Variants in ATP9B observed in about 807,000 individuals in gnomAD.
The protein encoded by ATP9B is probable phospholipid-transporting ATPase IIB.
Under a neutral mutation model 146.1 loss-of-function variants are expected in ATP9B, and 110 were observed. The observed-to-expected ratio is 0.75, with a 90% CI of 0.65 to 0.88. The LOEUF is 0.88. Ranked by LOEUF, ATP9B falls within the 40% of genes least tolerant of loss-of-function variation. The pLI is 0.00. For missense variants in ATP9B, 1,499 were observed against 1,496.4 expected (o/e 1.00, Z -0.03); for synonymous variants, 604 against 569.7 (o/e 1.06, Z -0.86).
At chr18:79,142,684 T>C (rs1004529063) in intron 5 of ATP9B, among the ~76,000 whole-genome samples, 31 of 152,248 alleles carry the variant, frequency 2.0e-4, no homozygotes, top group African/African-American at 6.8e-4. Flanking sequence ...AGACCATTGC[T>C]ATTTTATAAT....
At chr18:79,345,970 C>T (rs1430194096) in intron 23 of ATP9B, 131 bp downstream of exon 23, 12 of 1,002,174 alleles carry the variant, frequency 1.2e-5, no homozygotes, top group Middle Eastern at 2.1e-4. Flanking sequence ...AGCGTACGCT[C>T]GGTCAGCAAA....
chr18:79,136,919 C>A (rs116332227), intron 5 of ATP9B, among the ~76,000 whole-genome samples: 4,027 of 152,186 alleles, frequency 0.026, 200 homozygotes, highest in African/African-American at 0.092. Context: ...AGGGGAAAAG[C>A]CACTTACAAA....
intron 1 of ATP9B, among the ~76,000 whole-genome samples, chr18:79,092,429 C>T (rs912914189): frequency 3.4e-4 from 52 of 152,194 alleles, no homozygotes; most frequent in African/African-American, 1.2e-3. Context: ...AAAAATCATA[C>T]AGGACACAAA....
chr18:79,080,912 G>A (rs1342568889), intron 1 of ATP9B, among the ~76,000 whole-genome samples: 1 of 152,212 alleles, frequency 6.6e-6, no homozygotes, highest in Non-Finnish European at 1.5e-5. Flanking sequence ...TTTATGTGAT[G>A]GATTACGTTT....
chr18:79,356,755 A>G (rs959236695), intron 25 of ATP9B, among the ~76,000 whole-genome samples: 3 of 148,170 alleles, frequency 2.0e-5, no homozygotes, highest in Non-Finnish European at 3.0e-5. Flanking sequence ...AGCAGAGGGA[A>G]GTGGTTGCAG....
chr18:79,110,908 A>C (rs2075966333), intron 3 of ATP9B, among the ~76,000 whole-genome samples: 1 of 152,234 alleles, frequency 6.6e-6, no homozygotes, highest in Admixed American at 6.5e-5. Context: ...AGATTTCGCA[A>C]AGAAAATGAA....
At chr18:79,247,881 G>T (rs148845337) in intron 11 of ATP9B, among the ~76,000 whole-genome samples, 2 of 152,120 alleles carry the variant, frequency 1.3e-5, no homozygotes, top group Non-Finnish European at 2.9e-5. Flanking sequence ...TAAATTTCTT[G>T]GTAGGCAAAC....
At chr18:79,344,790 G>T (rs1232971406) in intron 21 of ATP9B, among the ~76,000 whole-genome samples, 1 of 152,198 alleles carries the variant, frequency 6.6e-6, no homozygotes, top group Non-Finnish European at 1.5e-5. Flanking sequence ...AGGAGACCTG[G>T]AGGAGGAGCG....
At chr18:79,107,155 C>T (rs1599595447) in intron 2 of ATP9B, among the ~76,000 whole-genome samples, 1 of 152,068 alleles carries the variant, frequency 6.6e-6, no homozygotes, top group African/African-American at 2.4e-5. Flanking sequence ...GAAATGTGCT[C>T]ATATGAAGCC....
intron 25 of ATP9B, chr18:79,352,803 A>G (rs771922459): frequency 1.7e-4 from 26 of 152,246 alleles, no homozygotes; most frequent in Non-Finnish European, 2.8e-4. Flanking sequence ...AAGCATGAAC[A>G]TCGTGATGCA....
At position 79,348,131 on chromosome 18, in the gene ATP9B, G is replaced by A. The variant is rs1168143429; in HGVS notation, c.2839-1G>A. 3.1e-6 allele frequency: 5 copies of A among 1,613,772 alleles called. No homozygotes were observed. Among genetic ancestry groups the A allele is most frequent in the Non-Finnish European group, 3.4e-6 (4 of 1,179,974 alleles). ...TCTTCGTCTGTGGGCTCTCTCTCCA[G>A]GCTGTGTTTTCCTCAGTCTTCTACT... On this transcript the variant is annotated splice_acceptor_variant, in intron 24 of 29. Transcript: ENST00000426216. LOFTEE classifies it high-confidence loss of function.
chr18:79,113,375 T>G (rs761351616), intron 4 of ATP9B, 21 bp downstream of exon 4: 1 of 1,312,996 alleles, frequency 7.6e-7, no homozygotes, highest in South Asian at 1.3e-5. Flanking sequence ...ACTTTAAAAA[T>G]TAAGTTAAAT....
At chr18:79,373,399 G>A (rs1480805396) in intron 27 of ATP9B, among the ~76,000 whole-genome samples, 2 of 151,892 alleles carry the variant, frequency 1.3e-5, no homozygotes, top group African/African-American at 4.8e-5. Context: ...ATTTCTAACT[G>A]ATGTAGCTAG....
rs186868522 is a variant in ATP9B at position 79,206,946 on chromosome 18, G to A, written c.964G>A (p.Asp322Asn). 1.2e-6 allele frequency: 2 copies of A among 1,613,972 alleles called. No homozygotes were observed. Among genetic ancestry groups the A allele is most frequent in the African/African-American group, 1.3e-5 (1 of 75,046 alleles). ...FEGTFTREDS[D>N]PPIHESLSIE... ...TTGTCTCCCTGCACAGGAAGACAGT[G>A]ACCCGCCCATTCATGAAAGTCTCAG... is the stretch of plus-strand genomic sequence containing the variant. The change falls in exon 10 of 30, where the codon GAC (aspartate) becomes AAC (asparagine). Residue 322 changes from aspartate to asparagine, a missense_variant. Coordinates refer to ENST00000426216, the MANE Select transcript of ATP9B (RefSeq NM_198531.5).
At chr18:79,365,429 C>T (rs768365475) in intron 26 of ATP9B, among the ~76,000 whole-genome samples, 12 of 152,216 alleles carry the variant, frequency 7.9e-5, no homozygotes, top group Admixed American at 1.3e-4. Flanking sequence ...ACAGCCTCTT[C>T]GGAAGACAGT....
chr18:79,280,167 C>T (rs576725081), intron 13 of ATP9B, among the ~76,000 whole-genome samples: 13 of 152,056 alleles, frequency 8.5e-5, no homozygotes, highest in Admixed American at 3.9e-4. Context: ...CGATGGAGTA[C>T]GGATATTGAC....
At chr18:79,303,523 G>A (rs2096604732) in intron 13 of ATP9B, 81 bp from the exon 14 acceptor site, 9 of 1,095,544 alleles carry the variant, frequency 8.2e-6, no homozygotes, top group Non-Finnish European at 1.2e-5. Flanking sequence ...TGAATGTGCA[G>A]CATGCCTGCA....
chr18:79,165,511 A>G (rs556410642), intron 7 of ATP9B, among the ~76,000 whole-genome samples: 3 of 152,320 alleles, frequency 2.0e-5, no homozygotes, highest in South Asian at 2.1e-4. Flanking sequence ...TTGAAAACCT[A>G]TGGAGGGCTT....
chr18:79,149,003 T>A (rs913369869), intron 6 of ATP9B, among the ~76,000 whole-genome samples: 1 of 150,522 alleles, frequency 6.6e-6, no homozygotes. Context: ...AAACTTACAA[T>A]GTGTTGATAA....
Sources: gnomAD v4.1 joint callset for allele counts (sites outside exome capture counted in the v4.1 genomes callset) on GRCh38, gnomAD v4.1.1 for gene constraint, MANE v1.5 for transcripts, NCBI Gene and HGNC (gene_info 2026-07-23, HGNC 2026-07-21) for gene names.